Variants in ZNF114 observed in about 807,000 individuals in gnomAD.
ZNF114 encodes the protein zinc finger protein 114 (Y18).
A neutral mutation model predicts 6.8 loss-of-function variants in ZNF114; 8 were observed. The observed-to-expected ratio is 1.18, with a 90% confidence interval of 0.69 to 2.13. The LOEUF is 2.13. ZNF114 is among the 30% of genes most tolerant of loss of function. The probability of loss-of-function intolerance (pLI) is 0.00; values close to 1 mark genes in which losing one functional copy is unlikely to be tolerated. For synonymous variants in ZNF114, 169 were observed against 185.5 expected (o/e 0.91, Z 0.72); for missense variants, 472 against 519.5 (o/e 0.91, Z 0.89).
intron 4 of ZNF114, among the ~76,000 whole-genome samples, chr19:48,281,240 A>G (rs35054213): frequency 0.04 from 6,165 of 152,302 alleles, 231 homozygotes; most frequent in Middle Eastern, 0.14. Context: ...TGATGAAACT[A>G]TCACAGATGG....
In ZNF114 at chr19:48,286,947, G is replaced by A; in HGVS notation, c.*69G>A. The A allele has an allele frequency of 6.8e-7, 1 of 1,474,840 alleles. No individual in the cohort carries two copies. 91.4% of individuals were successfully genotyped at this position (1,474,840 alleles called of 1,614,324 possible). A position where few individuals can be genotyped will look rare whatever the true frequency, so the allele number is the denominator to read the frequency against. ...ACATGTGAGGAGGACATATTGGAAG[G>A]GAGCTCAAGGGGTTAGCATGAGTGA... On this transcript the variant is annotated 3_prime_UTR_variant, in exon 6 of 6. Transcript: ENST00000595607.
rs58275965 is a variant in ZNF114, at chr19:48,275,419, A to AACACACACACACACACACAC, written c.-70+3611_-70+3630dup. ...CATGATGAAGTCCTGTCTCTACTAA[A>AACACACACACACACACACAC]ACACACACACACACACACACACACA... On this transcript the variant is annotated intron_variant, in intron 3 of 5. Transcript: ENST00000595607. Among the ~76,000 whole-genome samples, 1,032 of 133,144 alleles carry AACACACACACACACACACAC rather than the reference A, an allele frequency of 7.8e-3. 9 individuals carry two copies. Among genetic ancestry groups the AACACACACACACACACACAC allele is most frequent in the Non-Finnish European group, 9.9e-3 (626 of 63,440 alleles). 87.3% of individuals were successfully genotyped at this position (133,144 alleles called of 152,430 possible).
At chr19:48,274,507 T>TATA (rs1491211469) in intron 3 of ZNF114, among the ~76,000 whole-genome samples, 42 of 16,372 alleles carry the variant, frequency 2.6e-3, no homozygotes, top group South Asian at 0.015. Flanking sequence ...TATATATATA[T>TATA]TTTTTTTTTT....
At chr19:48,272,897 G>A (rs899902744) in intron 3 of ZNF114, among the ~76,000 whole-genome samples, 1 of 144,114 alleles carries the variant, frequency 6.9e-6, no homozygotes, top group Non-Finnish European at 1.5e-5. Flanking sequence ...CCGGGTTCAC[G>A]CCATTCTCCT....
At chr19:48,285,462 C>T (rs1968090302) in intron 5 of ZNF114, among the ~76,000 whole-genome samples, 1 of 151,882 alleles carries the variant, frequency 6.6e-6, no homozygotes, top group South Asian at 2.1e-4. Context: ...CATGCCACTG[C>T]ACTCCAGCCT....
At chr19:48,283,036 G>A (rs1331748675) in intron 5 of ZNF114, among the ~76,000 whole-genome samples, 1 of 151,896 alleles carries the variant, frequency 6.6e-6, no homozygotes, top group East Asian at 1.9e-4. Flanking sequence ...TTTTCATTAA[G>A]ATGGGGTCTC....
chr19:48,274,500 ATATATATTTTTTTTT>A (rs373892839), intron 3 of ZNF114, among the ~76,000 whole-genome samples: 27,924 of 73,302 alleles, frequency 0.38, 3,182 homozygotes, highest in Non-Finnish European at 0.48. Flanking sequence ...ATATATATAT[ATATATATTTTTTTTT>A]TTTTTTTTGA....
At chr19:48,272,138 C>T (rs931435381) in intron 3 of ZNF114, among the ~76,000 whole-genome samples, 3 of 152,140 alleles carry the variant, frequency 2.0e-5, no homozygotes, top group Admixed American at 6.6e-5. Flanking sequence ...TGGCCGGGCG[C>T]GGTGGCTCAC....
intron 4 of ZNF114, chr19:48,281,490 C>T (rs1260985383): frequency 6.8e-6 from 1 of 147,370 alleles, no homozygotes; most frequent in Non-Finnish European, 1.5e-5. Flanking sequence ...CCTCTGTCCA[C>T]ATTTCCCCTT....
At chr19:48,284,435 G>GA (rs201664271) in intron 5 of ZNF114, among the ~76,000 whole-genome samples, 13 of 149,570 alleles carry the variant, frequency 8.7e-5, no homozygotes, top group African/African-American at 2.2e-4. Flanking sequence ...TAATTAAAAG[G>GA]AAAAAAAAAG....
intron 5 of ZNF114, among the ~76,000 whole-genome samples, chr19:48,284,235 A>G (rs1968062201): frequency 6.6e-6 from 1 of 152,150 alleles, no homozygotes; most frequent in African/African-American, 2.4e-5. Flanking sequence ...TTAATGTTTT[A>G]TAATTTTCAA....
chr19:48,285,012 A>G (rs1384917466), intron 5 of ZNF114, among the ~76,000 whole-genome samples: 1 of 152,164 alleles, frequency 6.6e-6, no homozygotes, highest in Admixed American at 6.5e-5. Context: ...TCCACTTAGA[A>G]TTCCTGATCG....
chr19:48,275,457 C>CACACACACACAAAA (rs1181746572), intron 3 of ZNF114, among the ~76,000 whole-genome samples: 3 of 144,558 alleles, frequency 2.1e-5, no homozygotes, highest in South Asian at 2.2e-4. Flanking sequence ...CACACACACA[C>CACACACACACAAAA]AAAATAGCCA....
chr19:48,273,270 G>A (rs952924919), intron 3 of ZNF114, among the ~76,000 whole-genome samples: 2 of 152,266 alleles, frequency 1.3e-5, no homozygotes, highest in Middle Eastern at 3.4e-3. Context: ...AATCCGCTCC[G>A]GTGAGGTCTG....
intron 3 of ZNF114, among the ~76,000 whole-genome samples, chr19:48,273,943 G>C (rs2147282199): frequency 6.6e-6 from 1 of 151,714 alleles, no homozygotes; most frequent in South Asian, 2.1e-4. Context: ...ATTTTTAGTA[G>C]AGACGGGGTT....
chr19:48,279,051 A>G (rs140073670), intron 3 of ZNF114, among the ~76,000 whole-genome samples: 1 of 152,170 alleles, frequency 6.6e-6, no homozygotes, highest in African/African-American at 2.4e-5. Flanking sequence ...GATGAAAAGT[A>G]TTTGGAACTA....
chr19:48,275,457 C>CAAAA (rs1555876288), intron 3 of ZNF114, among the ~76,000 whole-genome samples: 2 of 144,558 alleles, frequency 1.4e-5, no homozygotes, highest in African/African-American at 5.1e-5. Context: ...CACACACACA[C>CAAAA]AAAATAGCCA....
At chr19:48,277,571 A>G (rs1047169191) in intron 3 of ZNF114, among the ~76,000 whole-genome samples, 3 of 151,950 alleles carry the variant, frequency 2.0e-5, no homozygotes, top group Non-Finnish European at 2.9e-5. Context: ...ATCAATTGCA[A>G]TGATTCACTT....
chr19:48,283,380 T>C (rs1199342966), intron 5 of ZNF114, among the ~76,000 whole-genome samples: 2 of 152,164 alleles, frequency 1.3e-5, no homozygotes, highest in Non-Finnish European at 2.9e-5. Flanking sequence ...CCAAAGCCTG[T>C]GTCCATTTGA....
Sources: gnomAD v4.1 joint callset for allele counts (sites outside exome capture counted in the v4.1 genomes callset) on GRCh38, gnomAD v4.1.1 for gene constraint, MANE v1.5 for transcripts, NCBI Gene and HGNC (gene_info 2026-07-23, HGNC 2026-07-21) for gene names.